The following PLEKHH1 variants were observed in gnomAD, a reference collection of about 807,000 sequenced individuals.
The protein encoded by PLEKHH1 is pleckstrin homology domain-containing family H member 1.
A neutral mutation model predicts 160.0 loss-of-function variants in PLEKHH1; 104 were observed. The observed-to-expected ratio is 0.65, with a 90% CI of 0.55 to 0.76. The LOEUF (loss-of-function observed/expected upper bound fraction) is 0.76. PLEKHH1 is among the 30% of genes least tolerant of loss of function. The probability of loss-of-function intolerance (pLI) is 0.00; values close to 1 mark genes in which losing one functional copy is unlikely to be tolerated. For synonymous variants in PLEKHH1, 619 were observed against 678.4 expected (o/e 0.91, Z 1.36); for missense variants, 1,427 against 1,724.1 (o/e 0.83, Z 3.05).
In PLEKHH1 at chr14:67,562,676, G is replaced by A. The variant is rs1394915011; in HGVS notation, c.1045G>A (p.Glu349Lys). The change falls in exon 7 of 29, where the codon GAG becomes AAG. Residue 349 changes from glutamate (E) to lysine (K), a missense_variant. Around this residue, in one of 6 missense-constraint regions of PLEKHH1, gnomAD observed 831 missense variants for 929.2 expected, o/e 0.89. Transcript: ENST00000329153. ...GCACTTTGGCCGTGTGGTGAACATT[G>A]AGACTGAGGCCTTCTCAGCCCTCCA... The part of the protein sequence containing the change: ...HGHFGRVVNI[E>K]TEAFSALHPS... The A allele has an allele frequency of 6.2e-7, 1 of 1,612,544 alleles. No individual in the cohort carries two copies. The highest frequency in any genetic ancestry group is 1.7e-5 in the Admixed American group (1 of 59,826).
intron 3 of PLEKHH1, among the ~76,000 whole-genome samples, chr14:67,556,173 T>C (rs1370080020): frequency 6.6e-6 from 1 of 152,218 alleles, no homozygotes; most frequent in Non-Finnish European, 1.5e-5. Context: ...AACCTGTCCA[T>C]TGAGGGTTAG....
chr14:67,583,443 G>A (rs905040850), intron 24 of PLEKHH1, among the ~76,000 whole-genome samples: 1 of 152,158 alleles, frequency 6.6e-6, no homozygotes, highest in African/African-American at 2.4e-5. Flanking sequence ...CTGGAAGCCA[G>A]AATTTCCACA....
intron 15 of PLEKHH1, 39 bp from the exon 16 acceptor site, chr14:67,575,784 C>CCACTGG (rs1731952591): frequency 6.5e-7 from 1 of 1,539,078 alleles, no homozygotes; most frequent in African/African-American, 1.4e-5. Context: ...CCCTCATCCC[C>CCACTGG]CACTGGCTCT....
intron 2 of PLEKHH1, among the ~76,000 whole-genome samples, chr14:67,554,301 G>A (rs1413717439): frequency 1.3e-5 from 2 of 152,162 alleles, no homozygotes; most frequent in Non-Finnish European, 2.9e-5. Context: ...AAAGAGAGAA[G>A]GATTGATCAG....
chr14:67,572,981 C>T (rs544234122), intron 11 of PLEKHH1, among the ~76,000 whole-genome samples: 6 of 152,288 alleles, frequency 3.9e-5, no homozygotes, highest in South Asian at 4.1e-4. Flanking sequence ...TCTCTCCTGA[C>T]GCTCTCCCTG....
intron 7 of PLEKHH1, among the ~76,000 whole-genome samples, chr14:67,566,379 G>A (rs984218398): frequency 5.9e-5 from 9 of 152,186 alleles, no homozygotes; most frequent in African/African-American, 2.2e-4. Flanking sequence ...GGAATGTGCA[G>A]CTGCTACCAG....
At chr14:67,569,321 G>GC (rs759388281) in intron 8 of PLEKHH1, 105 bp downstream of exon 8, 12 of 758,136 alleles carry the variant, frequency 1.6e-5, no homozygotes, top group African/African-American at 3.4e-5. Flanking sequence ...GGGTTGGCTG[G>GC]CCTACCCTGT....
Position 67,541,979 on chromosome 14 carries a change from C to A in PLEKHH1, c.112C>A (p.Leu38Met). 6.2e-7 allele frequency: 1 copy of A among 1,605,802 alleles called. No individual in the cohort carries two copies. Among genetic ancestry groups the A allele is most frequent in the Non-Finnish European group, 8.5e-7 (1 of 1,176,464 alleles). ...CCTACAGGCCAGCAAGATAAGGGAG[C>A]TGCTGGCTGACAAGGTGAGTCCCTC... Reference protein sequence around the residue: ...FRLQASKIRELLADKMQELEQ... With the variant: ...FRLQASKIREMLADKMQELEQ... The change falls in exon 2 of 29, where the codon CTG becomes ATG. Residue 38 changes from leucine (L) to methionine (M), a missense_variant. Physicochemically the swap from Leu to Met is conservative, Grantham distance 15 (BLOSUM62 2). Transcript: ENST00000329153.
chr14:67,576,415 C>T lies in PLEKHH1; in HGVS notation c.2373C>T (p.Leu791=), dbSNP rs1225642633. The T allele has an allele frequency of 6.2e-7, 1 of 1,605,488 alleles. No individual in the cohort carries two copies. The highest frequency in any genetic ancestry group is 2.2e-5 in the East Asian group (1 of 44,834). ...KHEKDTWLYH[L]TVAAGGSSAK... ...TCCAGGATACGTGGCTCTACCACCT[C>T]ACAGTGGCTGCAGGTGGCAGCAGTG... The change falls in exon 17 of 29, where the codon CTC becomes CTT. Residue 791 remains leucine, a synonymous_variant. Transcript: ENST00000329153. This position sits in a 1 kb window ranked among gnomAD's most constrained non-coding sequence, Gnocchi z 4.0.
Position 67,583,990 on chromosome 14 carries a change from A to G in PLEKHH1, c.3570-5A>G. On this transcript the variant is annotated splice_polypyrimidine_tract_variant and splice_region_variant and intron_variant, in intron 25 of 28. Transcript: ENST00000329153. ...GCACTATTTCTCTCCATCTGCCCAC[A>G]CCAGGCACCTGGCAGATATGTTGAC... 6.2e-7 allele frequency: 1 copy of G among 1,613,992 alleles called. No individual in the cohort carries two copies. The highest frequency in any genetic ancestry group is 8.5e-7 in the Non-Finnish European group (1 of 1,179,882).
Position 67,587,583 on chromosome 14 carries a change from C to T in PLEKHH1, c.*348C>T, listed in dbSNP as rs2036228354. ...TTCTGCACTGGTACTCTCAAGGAAG[C>T]TAATTTTCTTTCTGGGGGGGGCGGG... On this transcript the variant is annotated 3_prime_UTR_variant, in exon 29 of 29. Transcript: ENST00000329153. 1.8e-5 allele frequency: 5 copies of T among 275,198 alleles called. No individual in the cohort carries two copies. Among genetic ancestry groups the T allele is most frequent in the Admixed American group, 5.1e-5 (1 of 19,638 alleles). 17.0% of individuals were successfully genotyped at this position (275,198 alleles called of 1,614,324 possible).
chr14:67,581,053 A>G lies in PLEKHH1; in HGVS notation c.3284+15A>G. On this transcript the variant is annotated intron_variant, in intron 23 of 28. Transcript: ENST00000329153. The stretch of plus-strand genomic sequence containing the variant: ...TACAAGAACAGGTCCTAAGCACTGC[A>G]CGAGGGTGGGGCCAAACACAAGGGC... 1.3e-6 allele frequency: 2 copies of G among 1,546,738 alleles called. No homozygotes were observed. The highest frequency in any genetic ancestry group is 1.8e-6 in the Non-Finnish European group (2 of 1,118,708).
chr14:67,587,252 A>G lies in PLEKHH1; in HGVS notation c.*17A>G. ...TTGCTGTGAATATTTCTCCTACCCG[A>G]TTCCCCAACACCACTAGTGCCTCTG... On this transcript the variant is annotated 3_prime_UTR_variant, in exon 29 of 29. Transcript: ENST00000329153. The G allele has an allele frequency of 6.2e-7, 1 of 1,613,230 alleles. No homozygotes were observed. Among genetic ancestry groups the G allele is most frequent in the Non-Finnish European group, 8.5e-7 (1 of 1,179,432 alleles).
intron 2 of PLEKHH1, among the ~76,000 whole-genome samples, chr14:67,545,812 T>C (rs781058474): frequency 6.6e-6 from 1 of 152,198 alleles, no homozygotes; most frequent in Non-Finnish European, 1.5e-5. Context: ...ATATACAGCA[T>C]CATACAGTTT....
chr14:67,575,054 G>A (rs781136590), intron 14 of PLEKHH1, among the ~76,000 whole-genome samples: 28 of 152,188 alleles, frequency 1.8e-4, no homozygotes, highest in Non-Finnish European at 3.8e-4. Context: ...TCAGCCTGCT[G>A]TTTTCCCTCC....
At position 67,559,676 on chromosome 14, in the gene PLEKHH1, A is replaced by G. The variant is rs765232724; in HGVS notation, c.408A>G (p.Thr136=). 3 of 1,605,350 alleles carry G rather than the reference A, an allele frequency of 1.9e-6. No individual in the cohort carries two copies. In the South Asian group the frequency reaches 3.4e-5, roughly 18 times the overall value. ...CTGCAAAGATCAAGGAATGGGTGAC[A>G]CTCAAGTTGGCAAAGGTGGGTTGGA... The part of the protein sequence containing the change: ...EKAAKIKEWV[T]LKLAKLEMEN... Residue 136 remains threonine (T), a synonymous_variant, in exon 5 of 29, where the codon ACA becomes ACG. Coordinates refer to ENST00000329153, the MANE Select transcript of PLEKHH1 (RefSeq NM_020715.3).
In PLEKHH1 at chr14:67,549,244, C is replaced by CGT. The variant is rs375096496; in HGVS notation, c.127-6568_127-6567dup. On this transcript the variant is annotated intron_variant, in intron 2 of 28. Transcript: ENST00000329153. ...GCTTTTATTCTGTGGGGTGTGTGTG[C>CGT]GTGTGTGTGTGTGTAAAAGAGATTT... Among the ~76,000 whole-genome samples the CGT allele has an allele frequency of 8.1e-4, 121 of 148,574 alleles. 1 individual carries two copies. The highest frequency in any genetic ancestry group is 2.7e-3 in the African/African-American group (108 of 40,590).
At chr14:67,577,957 A>C in intron 18 of PLEKHH1, 66 bp from the exon 19 acceptor site, 1 of 1,479,596 alleles carries the variant, frequency 6.8e-7, no homozygotes, top group Non-Finnish European at 9.3e-7. Context: ...GAAAATGGCC[A>C]AGCCGTTGAG....
At chr14:67,584,210 C>T (rs1221771860) in intron 26 of PLEKHH1, 86 bp downstream of exon 26, 2 of 1,387,566 alleles carry the variant, frequency 1.4e-6, no homozygotes, top group East Asian at 4.7e-5. Flanking sequence ...GCAGCCCCTA[C>T]CTCCATACCA....
Sources: allele counts gnomAD v4.1 joint callset (sites outside exome capture counted in the v4.1 genomes callset), GRCh38; gene constraint gnomAD v4.1.1; regional missense constraint gnomAD v4.1.1; non-coding constraint Gnocchi (gnomAD v3.1); transcripts MANE v1.5; gene names NCBI Gene and HGNC (gene_info 2026-07-23, HGNC 2026-07-21).